CA6: variants seen among roughly 807,000 people sequenced by gnomAD.
The protein encoded by CA6 is carbonate dehydratase VI.
A neutral mutation model predicts 35.9 loss-of-function variants in CA6; 28 were observed. The observed-to-expected ratio is 0.78, with a 90% CI of 0.58 to 1.07. CA6 has a LOEUF of 1.07. Among genes scored for constraint, CA6 ranks in the 50% least tolerant of loss-of-function variants. CA6 has a pLI of 0.00. For synonymous variants in CA6, 148 were observed against 152.6 expected, an observed-to-expected ratio of 0.97 and a Z score of 0.22; for missense variants, 377 against 382.0, an observed-to-expected ratio of 0.99 and a Z score of 0.11.
At chr1:8,968,550 A>T (rs1299201276) in intron 6 of CA6, among the ~76,000 whole-genome samples, 1 of 152,166 alleles carries the variant, frequency 6.6e-6, no homozygotes, top group African/African-American at 2.4e-5. Flanking sequence ...ACCTACAAAG[A>T]CTTCAGTTAG....
rs369252443 is a variant in CA6 at position 8,947,114 on chromosome 1, C to G, written c.79+1149C>G. Among the ~76,000 whole-genome samples the G allele has an allele frequency of 4.6e-5, 7 of 152,142 alleles. No individual in the cohort carries two copies. The South Asian group carries it at 6.2e-4, about 14-fold the overall frequency. On this transcript the variant is annotated intron_variant, in intron 1 of 7. Transcript: ENST00000377443. Reference sequence around the variant, plus strand: ...CCACCGCGCCAGGCCCCAAACCAGACTTTTAAAATGTGAAATGTAAAATCC... The same window carrying G: ...CCACCGCGCCAGGCCCCAAACCAGAGTTTTAAAATGTGAAATGTAAAATCC...
intron 3 of CA6, among the ~76,000 whole-genome samples, chr1:8,958,003 TGA>T (rs1639736254): frequency 7.2e-5 from 11 of 151,930 alleles, no homozygotes; most frequent in Admixed American, 7.2e-4. Flanking sequence ...ATGCTGAAGT[TGA>T]GTTTATTTTT....
intron 3 of CA6, among the ~76,000 whole-genome samples, chr1:8,957,983 C>A (rs896472383): frequency 5.3e-5 from 8 of 151,896 alleles, no homozygotes; most frequent in African/African-American, 1.9e-4. Flanking sequence ...GCGATGGTAG[C>A]AGTTAAGTCA....
chr1:8,973,764 C>G (rs1302722025), intron 7 of CA6, among the ~76,000 whole-genome samples: 1 of 22,422 alleles, frequency 4.5e-5, no homozygotes, highest in Non-Finnish European at 6.9e-5. Flanking sequence ...TTCTTTCTTT[C>G]TTTCTTTCTT....
intron 1 of CA6, among the ~76,000 whole-genome samples, chr1:8,948,536 G>C (rs1322662210): frequency 6.6e-6 from 1 of 151,886 alleles, no homozygotes; most frequent in Non-Finnish European, 1.5e-5. Context: ...TGTTCCTGTT[G>C]GGGGCATGGA....
chr1:8,968,574 C>A (rs1225515269), intron 6 of CA6, among the ~76,000 whole-genome samples: 1 of 151,752 alleles, frequency 6.6e-6, no homozygotes, highest in Non-Finnish European at 1.5e-5. Flanking sequence ...AATTATCAGA[C>A]AATTAATATG....
chr1:8,948,691 C>T (rs113056953), intron 1 of CA6, among the ~76,000 whole-genome samples: 5,573 of 152,042 alleles, frequency 0.037, 372 homozygotes, highest in African/African-American at 0.13. Context: ...ACTCTCAGGC[C>T]GGGCACGGTG....
chr1:8,955,872 A>G (rs1639665243), intron 2 of CA6, among the ~76,000 whole-genome samples: 1 of 152,222 alleles, frequency 6.6e-6, no homozygotes, highest in South Asian at 2.1e-4. Context: ...TAAATACCTC[A>G]TATTTGCTAT....
At position 8,973,712 on chromosome 1, in the gene CA6, C is replaced by CTTTCTTTCTTTCTTT. The variant is rs1297773359; in HGVS notation, c.845-909_845-895dup. Among the ~76,000 whole-genome samples the CTTTCTTTCTTTCTTT allele has an allele frequency of 9.8e-5, 7 of 71,446 alleles. 1 individual carries two copies. Among genetic ancestry groups the CTTTCTTTCTTTCTTT allele is most frequent in the African/African-American group, 4.2e-4 (7 of 16,578 alleles). The allele number at this position is 71,446 out of a possible 152,430, so 46.9% of individuals were successfully genotyped here. On this transcript the variant is annotated intron_variant, in intron 7 of 7. Transcript: ENST00000377443. ...CAGGCCTGGATTTTTCTTTCTCTCT[C>CTTTCTTTCTTTCTTT]TTTCTTTCTTTCTTTCTTTCTTTCT...
At chr1:8,969,405 CATT>C (rs1326228512) in intron 6 of CA6, among the ~76,000 whole-genome samples, 2 of 151,640 alleles carry the variant, frequency 1.3e-5, no homozygotes, top group African/African-American at 4.8e-5. Flanking sequence ...CAGCCAATAA[CATT>C]ATCTAGAATG....
chr1:8,974,444 A>T (rs1431968121), intron 7 of CA6, 178 bp from the exon 8 acceptor site: 1 of 1,526,010 alleles, frequency 6.6e-7, no homozygotes, highest in Non-Finnish European at 8.7e-7. Flanking sequence ...TAGAAGCCTG[A>T]GTTCAAACAC....
chr1:8,969,420 A>G (rs1432338347), intron 6 of CA6, among the ~76,000 whole-genome samples: 1 of 152,006 alleles, frequency 6.6e-6, no homozygotes, highest in East Asian at 1.9e-4. Flanking sequence ...TCTAGAATGC[A>G]GCACAGAGAA....
chr1:8,946,971 C>A (rs1197038189), intron 1 of CA6, among the ~76,000 whole-genome samples: 5 of 151,658 alleles, frequency 3.3e-5, no homozygotes, highest in African/African-American at 7.3e-5. Context: ...GCCTGGCTAA[C>A]TTTTGTATTT....
chr1:8,973,660 T>G (rs891045908), intron 7 of CA6, among the ~76,000 whole-genome samples: 1 of 152,178 alleles, frequency 6.6e-6, no homozygotes, highest in African/African-American at 2.4e-5. Context: ...AACAGACAAC[T>G]GGGCATCATC....
intron 7 of CA6, among the ~76,000 whole-genome samples, chr1:8,973,228 T>C (rs1191822923): frequency 6.6e-6 from 1 of 152,128 alleles, no homozygotes; most frequent in Non-Finnish European, 1.5e-5. Flanking sequence ...CCATGTTGGT[T>C]AGGCTGGTCT....
intron 6 of CA6, 141 bp downstream of exon 6, chr1:8,967,957 G>A: frequency 2.1e-6 from 1 of 467,986 alleles, no homozygotes; most frequent in Non-Finnish European, 3.6e-6. Context: ...GCCTCGTCTA[G>A]CCAACCTTTT....
At chr1:8,953,911 G>A (rs55702128) in intron 2 of CA6, among the ~76,000 whole-genome samples, 47,136 of 152,022 alleles carry the variant, frequency 0.31, 8,258 homozygotes, top group Middle Eastern at 0.41. Context: ...CAGTAAAGAA[G>A]CCTGACAAAT....
intron 2 of CA6, among the ~76,000 whole-genome samples, chr1:8,952,815 C>A (rs1171328911): frequency 6.6e-6 from 1 of 152,036 alleles, no homozygotes; most frequent in Non-Finnish European, 1.5e-5. Flanking sequence ...TGCCACCACG[C>A]CTGGCTAATT....
chr1:8,947,925 A>C (rs973524799), intron 1 of CA6, among the ~76,000 whole-genome samples: 8 of 150,930 alleles, frequency 5.3e-5, no homozygotes, highest in African/African-American at 2.0e-4. Flanking sequence ...GCTCACCGCA[A>C]CCTCTGCCTC....
Sources: allele counts gnomAD v4.1 joint callset (sites outside exome capture counted in the v4.1 genomes callset), GRCh38; gene constraint gnomAD v4.1.1; transcripts MANE v1.5; gene names NCBI Gene and HGNC (gene_info 2026-07-23, HGNC 2026-07-21).